SLC4A8: variants seen among roughly 807,000 people sequenced by gnomAD.
The protein encoded by SLC4A8 is solute carrier family 4 member 8, also known as electroneutral sodium bicarbonate exchanger 1.
In SLC4A8, 40 loss-of-function variants were observed where a neutral mutation model predicts 125.0. The observed-to-expected ratio is 0.32, with a 90% CI of 0.25 to 0.42. SLC4A8 has a LOEUF of 0.42. Ranked by LOEUF, SLC4A8 falls within the 10% of genes least tolerant of loss-of-function variation. The pLI, the probability that SLC4A8 is intolerant of heterozygous loss-of-function variation, is 1.00. For synonymous variants in SLC4A8, 456 were observed against 476.0 expected (o/e 0.96, Z 0.55); for missense variants, 863 against 1,355.1 (o/e 0.64, Z 5.70).
chr12:51,505,384 T>A (rs1446112069), intron 23 of SLC4A8, among the ~76,000 whole-genome samples: 1 of 152,242 alleles, frequency 6.6e-6, no homozygotes, highest in Non-Finnish European at 1.5e-5. Flanking sequence ...TCTGTTGCTA[T>A]GATAGTTAAG....
At chr12:51,427,183 C>T (rs1949021213) in intron 1 of SLC4A8, among the ~76,000 whole-genome samples, 1 of 152,040 alleles carries the variant, frequency 6.6e-6, no homozygotes, top group Non-Finnish European at 1.5e-5. Flanking sequence ...CGTGATCTGC[C>T]CGCCTCGGCC....
intron 16 of SLC4A8, chr12:51,479,855 A>G (rs771097922): frequency 4.4e-4 from 100 of 228,454 alleles, no homozygotes; most frequent in Non-Finnish European, 2.9e-4. Context: ...AGAAAAAGAA[A>G]TTCAGCCCTT....
At position 51,475,176 on chromosome 12, in the gene SLC4A8, G is replaced by A. The variant is rs779982543; in HGVS notation, c.2142G>A (p.Thr714=). The A allele has an allele frequency of 1.1e-5, 18 of 1,612,032 alleles. No homozygotes were observed. The highest frequency in any genetic ancestry group is 9.3e-5 in the African/African-American group (7 of 74,898). Residue 714 remains threonine, a synonymous_variant, in exon 16 of 25, where the codon ACG becomes ACA. Transcript: ENST00000453097. The stretch of plus-strand genomic sequence containing the variant: ...TCATCCTCTCAAGCACCTTAAAGAC[G>A]TTTAAGACGAGCCGTTATTTCCCAA... ...TTFILSSTLK[T]FKTSRYFPTR... is the part of the protein sequence containing the mutation.
At position 51,507,503 on chromosome 12, in the gene SLC4A8, A is replaced by G; in HGVS notation, c.*65A>G. 1 of 1,202,598 alleles carries G rather than the reference A, an allele frequency of 8.3e-7. No homozygotes were observed. Among genetic ancestry groups the G allele is most frequent in the Non-Finnish European group, 1.1e-6 (1 of 907,970 alleles). 74.5% of individuals were successfully genotyped at this position (1,202,598 alleles called of 1,614,324 possible). On this transcript the variant is annotated 3_prime_UTR_variant, in exon 25 of 25. Transcript: ENST00000453097. ...CTCAGGGAAGTTCTGGTTACAGAGA[A>G]AATGGCGAGTCTCTCAGAGAAGAAG... is the stretch of plus-strand genomic sequence containing the variant.
intron 1 of SLC4A8, chr12:51,425,253 C>A: frequency 7.4e-7 from 1 of 1,350,622 alleles, no homozygotes; most frequent in Non-Finnish European, 9.5e-7. Flanking sequence ...GGATCTGGCC[C>A]ATCTCTGCCG....
chr12:51,430,744 A>C (rs1306110903), intron 1 of SLC4A8, among the ~76,000 whole-genome samples: 1 of 152,208 alleles, frequency 6.6e-6, no homozygotes, highest in African/African-American at 2.4e-5. Flanking sequence ...GGTAGTAATC[A>C]GGACACAGAA....
upstream of SLC4A8, among the ~76,000 whole-genome samples, chr12:51,420,631 C>T (rs1948769269): frequency 6.6e-6 from 1 of 152,122 alleles, no homozygotes; most frequent in African/African-American, 2.4e-5. Context: ...GAGTTCAAGA[C>T]CCACCGCTTT....
At chr12:51,424,684 C>T (rs1948896861), upstream of SLC4A8, 1 of 427,518 alleles carries the variant, frequency 2.3e-6, no homozygotes, top group African/African-American at 2.1e-5. Context: ...AGGCGGTTTC[C>T]AAGGCAACCG....
intron 1 of SLC4A8, among the ~76,000 whole-genome samples, chr12:51,395,131 TAAGTC>T: frequency 6.6e-6 from 1 of 152,254 alleles, no homozygotes; most frequent in Non-Finnish European, 1.5e-5. Context: ...CACATGGTAA[TAAGTC>T]AGGCACTATG....
At chr12:51,493,843 C>A in intron 20 of SLC4A8, 71 bp downstream of exon 20, 1 of 959,662 alleles carries the variant, frequency 1.0e-6, no homozygotes, top group Non-Finnish European at 1.7e-6. Context: ...GGAGGGACAG[C>A]TCCCCAAGAG....
At position 51,508,511 on chromosome 12, in the gene SLC4A8, A is replaced by G. The variant is rs917860542; in HGVS notation, c.*1073A>G. ...CTGTCTCCTTAGCTGCCTTAGAGTAAACGATCATCAGTTCAATGGACCAAA... is the reference window on the plus strand; with the variant it reads ...CTGTCTCCTTAGCTGCCTTAGAGTAGACGATCATCAGTTCAATGGACCAAA... On this transcript the variant is annotated 3_prime_UTR_variant, in exon 25 of 25. Coordinates refer to ENST00000453097, the MANE Select transcript of SLC4A8 (RefSeq NM_001039960.3). 1 of 152,572 alleles carries G rather than the reference A, an allele frequency of 6.6e-6. No individual in the cohort carries two copies. The highest frequency in any genetic ancestry group is 6.5e-5 in the Admixed American group (1 of 15,272). The allele number at this position is 152,572 out of a possible 1,614,324, so 9.5% of individuals were successfully genotyped here.
At chr12:51,471,695 G>T in intron 14 of SLC4A8, 163 bp downstream of exon 14, 2 of 715,466 alleles carry the variant, frequency 2.8e-6, no homozygotes, top group Non-Finnish European at 4.6e-6. Flanking sequence ...GGCTGCCAGA[G>T]GAGAACAATC....
At chr12:51,504,440 T>C (rs1938077634) in intron 23 of SLC4A8, among the ~76,000 whole-genome samples, 1 of 152,248 alleles carries the variant, frequency 6.6e-6, no homozygotes, top group African/African-American at 2.4e-5. Flanking sequence ...TGAATATCAC[T>C]ATCCACATTT....
rs890406991 is a variant in SLC4A8 at position 51,505,882 on chromosome 12, C to T, written c.3221C>T (p.Thr1074Ile). The T allele has an allele frequency of 1.0e-5, 16 of 1,590,576 alleles. No individual in the cohort carries two copies. The highest frequency in any genetic ancestry group is 1.3e-5 in the Non-Finnish European group (15 of 1,160,554). ...ATATCTGATGAAATGCCTAAAACTACAGTTTGGAAAGCTCTCAGTATGAAT... is the reference window on the plus strand; with the variant it reads ...ATATCTGATGAAATGCCTAAAACTATAGTTTGGAAAGCTCTCAGTATGAAT... Reference protein sequence around the residue: ...INISDEMPKTTVWKALSMNSG... With the variant: ...INISDEMPKTIVWKALSMNSG... Residue 1074 changes from threonine to isoleucine, a missense_variant, in exon 24 of 25, where the codon ACA (threonine) becomes ATA (isoleucine). Around this residue, in one of 6 missense-constraint regions of SLC4A8, gnomAD observed 92 missense variants for 125.6 expected, o/e 0.73. Transcript: ENST00000453097.
rs142850636 is a variant in SLC4A8, at chr12:51,493,790, C to T, written c.2769+18C>T. 5.0e-4 allele frequency: 780 copies of T among 1,551,440 alleles called. No individual in the cohort carries two copies. Among genetic ancestry groups the T allele is most frequent in the Admixed American group, 8.7e-4 (52 of 59,952 alleles). ...GAATTCAGGTATTGTATGGTTCAGC[C>T]AGGGCAGTTTCTTCTCACTGCAAGT... On this transcript the variant is annotated intron_variant, in intron 20 of 24. Transcript: ENST00000453097.
rs1228675137 is a variant in SLC4A8, at chr12:51,511,071, A to G, written c.*3633A>G. 5 of 152,112 alleles carry G rather than the reference A, an allele frequency of 3.3e-5. No homozygotes were observed. Among genetic ancestry groups the G allele is most frequent in the Admixed American group, 2.0e-4 (3 of 15,278 alleles). 9.4% of individuals were successfully genotyped at this position (152,112 alleles called of 1,614,324 possible). On this transcript the variant is annotated 3_prime_UTR_variant, in exon 25 of 25. Transcript: ENST00000453097. ...AGTCCACATGATTGCAGGATTTCCCATTGTTCATCTGTGAATGTTGATTGG... is the reference window on the plus strand; with the variant it reads ...AGTCCACATGATTGCAGGATTTCCCGTTGTTCATCTGTGAATGTTGATTGG...
intron 14 of SLC4A8, among the ~76,000 whole-genome samples, chr12:51,473,485 C>T (rs1340303033): frequency 6.6e-6 from 1 of 152,086 alleles, no homozygotes; most frequent in Non-Finnish European, 1.5e-5. Flanking sequence ...ATAGCTTTCC[C>T]TATTACTTTT....
chr12:51,468,079 A>T (rs530654872), intron 11 of SLC4A8, among the ~76,000 whole-genome samples: 2 of 152,196 alleles, frequency 1.3e-5, no homozygotes, highest in South Asian at 2.1e-4. Context: ...TATGCCATTT[A>T]TTGGTAGAAG....
intron 19 of SLC4A8, among the ~76,000 whole-genome samples, chr12:51,493,313 A>G (rs1020992712): frequency 3.3e-5 from 5 of 152,130 alleles, no homozygotes; most frequent in African/African-American, 9.7e-5. Flanking sequence ...AAATACATCA[A>G]ATCCCTGAGG....
Sources: gnomAD v4.1 joint callset for allele counts (sites outside exome capture counted in the v4.1 genomes callset) on GRCh38, gnomAD v4.1.1 for gene constraint, gnomAD v4.1.1 regional missense constraint, MANE v1.5 for transcripts, NCBI Gene and HGNC (gene_info 2026-07-23, HGNC 2026-07-21) for gene names.